CRMP1: variants seen among roughly 807,000 people sequenced by gnomAD.
CRMP1 encodes the protein dihydropyrimidinase-related protein 1.
In CRMP1, 19 loss-of-function variants were observed where a neutral mutation model predicts 68.3. That is an observed-to-expected ratio of 0.28 (90% CI 0.19 to 0.41). CRMP1 has a LOEUF of 0.41. CRMP1 is among the 10% of genes least tolerant of loss of function. The pLI is 1.00. For missense variants in CRMP1, 791 were observed against 967.4 expected (o/e 0.82, Z 2.42); for synonymous variants, 439 against 399.6 (o/e 1.10, Z -1.18).
chr4:5,853,802 AC>A lies in CRMP1; in HGVS notation c.821-2334del, dbSNP rs1417035595. ...GCAGCAACAAAGTTGAAGCTGTGGA[AC>A]CCTATGTTAAGGGAAATAAGTCAGG... is the stretch of plus-strand genomic sequence containing the variant. On this transcript the variant is annotated intron_variant, in intron 4 of 13. Transcript: ENST00000324989. The surrounding 1 kb of genome is among the most constrained non-coding windows in gnomAD (Gnocchi z 4.7). Among the ~76,000 whole-genome samples, 1 of 152,250 alleles carries A rather than the reference AC, an allele frequency of 6.6e-6. No individual in the cohort carries two copies. Among genetic ancestry groups the A allele is most frequent in the Non-Finnish European group, 1.5e-5 (1 of 68,052 alleles).
rs116806870 is a variant in CRMP1 at position 5,845,048 on chromosome 4, G to A, written c.964-1887C>T. Among the ~76,000 whole-genome samples the A allele has an allele frequency of 2.1e-3, 320 of 152,312 alleles. 1 individual carries two copies. Among genetic ancestry groups the A allele is most frequent in the African/African-American group, 7.3e-3 (303 of 41,560 alleles). On this transcript the variant is annotated intron_variant, in intron 6 of 13. Transcript: ENST00000324989. ...ATAGAAAAAGCTAGTGCTATGCCTG[G>A]CCAAAGATGGATCTCACACGCCTCG...
In CRMP1 at chr4:5,827,609, TAC is replaced by T. The variant is rs540130361; in HGVS notation, c.1803+878_1803+879del. On this transcript the variant is annotated intron_variant, in intron 12 of 13. Transcript: ENST00000324989. ...ACACAGAGCTCACCACATGCTCGCATACACACACGCGCACACACACACACTCC... is the reference window on the plus strand; with the variant it reads ...ACACAGAGCTCACCACATGCTCGCATACACACGCGCACACACACACACTCC... Among the ~76,000 whole-genome samples the T allele has an allele frequency of 6.3e-3, 954 of 151,816 alleles. 6 individuals carry two copies. Among genetic ancestry groups the T allele is most frequent in the Non-Finnish European group, 9.0e-3 (608 of 67,882 alleles).
chr4:5,856,946 C>CATCACCACCACCATCCACT (rs1713134787), intron 3 of CRMP1, among the ~76,000 whole-genome samples: 1 of 6,886 alleles, frequency 1.5e-4, no homozygotes. Flanking sequence ...CCATCATCAC[C>CATCACCACCACCATCCACT]ATCACCACCA....
At chr4:5,840,941 G>C (rs963427385) in intron 8 of CRMP1, among the ~76,000 whole-genome samples, 11 of 151,062 alleles carry the variant, frequency 7.3e-5, no homozygotes, top group Non-Finnish European at 4.4e-5. Context: ...ACCTGAGGCT[G>C]TGGTTAGTCT....
chr4:5,828,411 C>G (rs1038925288), intron 12 of CRMP1, 78 bp downstream of exon 12: 10 of 1,546,734 alleles, frequency 6.5e-6, no homozygotes, highest in Non-Finnish European at 7.8e-6. Flanking sequence ...ACTCTGCACA[C>G]GTCAGATCTC....
intron 1 of CRMP1, among the ~76,000 whole-genome samples, chr4:5,871,825 G>A (rs1714475034): frequency 6.6e-6 from 1 of 152,224 alleles, no homozygotes; most frequent in South Asian, 2.1e-4. Flanking sequence ...TCCCTTTGTG[G>A]TGTGGAAAAT....
At chr4:5,873,250 G>C (rs1452074450) in intron 1 of CRMP1, among the ~76,000 whole-genome samples, 3 of 152,170 alleles carry the variant, frequency 2.0e-5, no homozygotes, top group Non-Finnish European at 4.4e-5. Context: ...AAGGGGAAAA[G>C]CATTCCCTCT....
rs748597207 is a variant in CRMP1 at position 5,843,472 on chromosome 4, C to T, written c.964-311G>A. Among the ~76,000 whole-genome samples the T allele has an allele frequency of 9.9e-5, 15 of 152,134 alleles. No individual in the cohort carries two copies. Among genetic ancestry groups the T allele is most frequent in the African/African-American group, 2.9e-4 (12 of 41,420 alleles). The stretch of plus-strand genomic sequence containing the variant: ...AGGCCACCCACCACTCTCTGAATCT[C>T]GGAGTCTCCCTGCAGGCCTCTCCTC... On this transcript the variant is annotated intron_variant, in intron 6 of 13. Coordinates refer to ENST00000324989, the MANE Select transcript of CRMP1 (RefSeq NM_001014809.3). This position sits in a 1 kb window ranked among gnomAD's most constrained non-coding sequence, Gnocchi z 4.1.
intron 1 of CRMP1, among the ~76,000 whole-genome samples, chr4:5,880,217 A>T (rs1216074399): frequency 1.3e-5 from 2 of 152,148 alleles, no homozygotes; most frequent in Non-Finnish European, 2.9e-5. Context: ...TGAGGGGAGA[A>T]TGGTGGGGGC....
chr4:5,861,188 C>T lies in CRMP1; in HGVS notation c.493G>A (p.Val165Ile), dbSNP rs758415603. 8.1e-6 allele frequency: 13 copies of T among 1,614,038 alleles called. No individual in the cohort carries two copies. The highest frequency in any genetic ancestry group is 1.1e-5 in the South Asian group (1 of 91,064). Residue 165 changes from valine (V) to isoleucine (I), a missense_variant, in exon 3 of 14, where the codon GTT becomes ATT. Coordinates refer to ENST00000324989, the MANE Select transcript of CRMP1 (RefSeq NM_001014809.3). The surrounding 1 kb of genome is among the most constrained non-coding windows in gnomAD (Gnocchi z 6.0). ...LIKQIGENLI[V>I]PGGVKTIEAN... ...TCAATGGTCTTCACTCCACCAGGAA[C>T]GATTAAGTTCTCTCCTATTTGTCTG...
chr4:5,851,927 AGAG>A (rs1433914523), intron 4 of CRMP1, among the ~76,000 whole-genome samples: 1 of 140,712 alleles, frequency 7.1e-6, no homozygotes, highest in African/African-American at 2.8e-5. Flanking sequence ...GAGAAGAGGA[AGAG>A]GAGGAAGAGG....
intron 1 of CRMP1, among the ~76,000 whole-genome samples, chr4:5,867,312 C>T (rs545098056): frequency 7.0e-4 from 107 of 152,286 alleles, no homozygotes; most frequent in African/African-American, 2.4e-3. Flanking sequence ...CTCATCATCT[C>T]GGCAGCCTCT....
Position 5,856,126 on chromosome 4 carries a change from C to G in CRMP1, c.820+17G>C. On this transcript the variant is annotated intron_variant, in intron 4 of 13. Transcript: ENST00000324989. Reference sequence around the variant, plus strand: ...ACAAGGGATTCCCCAAAACCCCGTTCCGAGGCTTTAACTGACCTTTGTCCT... The same window carrying G: ...ACAAGGGATTCCCCAAAACCCCGTTGCGAGGCTTTAACTGACCTTTGTCCT... The G allele has an allele frequency of 6.2e-7, 1 of 1,612,794 alleles. No homozygotes were observed. The highest frequency in any genetic ancestry group is 8.5e-7 in the Non-Finnish European group (1 of 1,179,380).
At chr4:5,852,052 G>A (rs374247497) in intron 4 of CRMP1, among the ~76,000 whole-genome samples, 1 of 152,220 alleles carries the variant, frequency 6.6e-6, no homozygotes. Context: ...GAGGGGTGTG[G>A]TAAGGATAAG....
At chr4:5,826,097 C>G (rs1359533384) in intron 12 of CRMP1, 1 of 234,792 alleles carries the variant, frequency 4.3e-6, no homozygotes, top group African/African-American at 2.4e-5. Context: ...CACACTCATA[C>G]AGGTATACAC....
At position 5,843,082 on chromosome 4, in the gene CRMP1, G is replaced by A. The variant is rs143766903; in HGVS notation, c.1032+11C>T. On this transcript the variant is annotated intron_variant, in intron 7 of 13. Transcript: ENST00000324989. The surrounding 1 kb of genome is among the most constrained non-coding windows in gnomAD (Gnocchi z 4.1). ...AGTGTCAGAGTCATGCCCAAGTTGA[G>A]GAGTCCTTACCTCTTCAGGTCTGCT... is the stretch of plus-strand genomic sequence containing the variant. 1,005 of 1,613,324 alleles carry A rather than the reference G, an allele frequency of 6.2e-4. 1 individual carries two copies. Among genetic ancestry groups the A allele is most frequent in the Non-Finnish European group, 4.8e-4 (564 of 1,179,486 alleles).
Position 5,838,967 on chromosome 4 carries a change from G to A in CRMP1, c.1310+555C>T, listed in dbSNP as rs1023326059. ...CGCTGTGTGGCCCTGCTATTGCTAA[G>A]TGCTCTTCCCTCCTGGTGGCTAACA... On this transcript the variant is annotated intron_variant, in intron 9 of 13. Transcript: ENST00000324989. This position sits in a 1 kb window ranked among gnomAD's most constrained non-coding sequence, Gnocchi z 4.9. 6.6e-6 allele frequency among the ~76,000 whole-genome samples: 1 copy of A among 152,214 alleles called. No homozygotes were observed. Among genetic ancestry groups the A allele is most frequent in the Non-Finnish European group, 1.5e-5 (1 of 68,048 alleles).
chr4:5,884,482 G>GCGCACACACACA lies in CRMP1; in HGVS notation c.381+8106_381+8107insTGTGTGTGTGCG, dbSNP rs10693829. On this transcript the variant is annotated intron_variant, in intron 1 of 13. Coordinates refer to ENST00000324989, the MANE Select transcript of CRMP1 (RefSeq NM_001014809.3). ...GGCACTCACACACACAACTATGCAT[G>GCGCACACACACA]CACACACACACACGGGCAGTGGTTT... Among the ~76,000 whole-genome samples, 402 of 150,202 alleles carry GCGCACACACACA rather than the reference G, an allele frequency of 2.7e-3. 3 individuals carry two copies. Among genetic ancestry groups the GCGCACACACACA allele is most frequent in the African/African-American group, 9.1e-3 (373 of 40,936 alleles).
intron 8 of CRMP1, among the ~76,000 whole-genome samples, chr4:5,840,440 C>T (rs563917577): frequency 5.3e-4 from 80 of 152,294 alleles, no homozygotes; most frequent in Non-Finnish European, 9.6e-4. Flanking sequence ...CTGCTGCCCT[C>T]GCCTGAGGCC....
Sources: allele counts gnomAD v4.1 joint callset (sites outside exome capture counted in the v4.1 genomes callset), GRCh38; gene constraint gnomAD v4.1.1; non-coding constraint Gnocchi (gnomAD v3.1); transcripts MANE v1.5; gene names NCBI Gene and HGNC (gene_info 2026-07-23, HGNC 2026-07-21).